DPYD: variants seen among roughly 807,000 people sequenced by gnomAD.
DPYD encodes the protein dihydropyrimidine dehydrogenase [NADP(+)].
A neutral mutation model predicts 116.2 loss-of-function variants in DPYD; 109 were observed. The ratio of observed to expected loss-of-function variants is 0.94; its 90% CI spans 0.80 to 1.10. The LOEUF (loss-of-function observed/expected upper bound fraction) is 1.10, where lower values mean the gene tolerates loss of function less well. DPYD is among the 50% of genes least tolerant of loss of function. DPYD has a pLI of 0.00. For synonymous variants in DPYD, 440 were observed against 432.0 expected, an observed-to-expected ratio of 1.02 and a Z score of -0.23; for missense variants, 1,302 against 1,254.5, an observed-to-expected ratio of 1.04 and a Z score of -0.57.
At chr1:97,173,416 AT>A (rs1656997244) in intron 20 of DPYD, among the ~76,000 whole-genome samples, 1 of 150,342 alleles carries the variant, frequency 6.7e-6, no homozygotes, top group African/African-American at 2.5e-5. Context: ...ACGTACGTAC[AT>A]ATATGTGTGT....
chr1:97,774,840 G>A (rs1222632741), intron 3 of DPYD: 1 of 193,266 alleles, frequency 5.2e-6, no homozygotes, highest in East Asian at 1.4e-4. Flanking sequence ...GTGGGAAACG[G>A]TTTGACGATT....
chr1:97,844,467 C>T (rs916031030), intron 2 of DPYD, among the ~76,000 whole-genome samples: 4 of 152,048 alleles, frequency 2.6e-5, no homozygotes, highest in African/African-American at 9.7e-5. Context: ...TAAAAATGAC[C>T]AATAATTTGA....
chr1:97,396,199 T>C (rs924510227), intron 14 of DPYD, among the ~76,000 whole-genome samples: 3 of 151,712 alleles, frequency 2.0e-5, no homozygotes, highest in Non-Finnish European at 2.9e-5. Context: ...TAGAACATCA[T>C]AGCATAGAAG....
At chr1:97,569,427 ATATATTTATAT>A (rs1193739617) in intron 11 of DPYD, among the ~76,000 whole-genome samples, 4 of 148,016 alleles carry the variant, frequency 2.7e-5, no homozygotes, top group African/African-American at 9.8e-5. Flanking sequence ...ATATATATTC[ATATATTTATAT>A]TATATTTATA....
intron 19 of DPYD, among the ~76,000 whole-genome samples, chr1:97,202,039 C>A (rs189037072): frequency 6.6e-6 from 1 of 151,950 alleles, no homozygotes; most frequent in East Asian, 1.9e-4. Flanking sequence ...AAATAGCTGT[C>A]CAAATGTCAT....
chr1:97,713,638 A>T (rs1358337155), intron 5 of DPYD, among the ~76,000 whole-genome samples: 2 of 152,128 alleles, frequency 1.3e-5, no homozygotes, highest in Admixed American at 1.3e-4. Context: ...AAAAGGAGAG[A>T]CACAAATCAA....
chr1:97,079,144 A>G lies in DPYD; in HGVS notation c.2910T>C (p.Ala970=), dbSNP rs1648982410. The G allele has an allele frequency of 6.2e-7, 1 of 1,613,270 alleles. No individual in the cohort carries two copies. Among genetic ancestry groups the G allele is most frequent in the Admixed American group, 1.7e-5 (1 of 59,968 alleles). The change falls in exon 23 of 23, where the codon GCT becomes GCC. Residue 970 remains alanine, a splice_region_variant and synonymous_variant. Coordinates refer to ENST00000370192, the MANE Select transcript of DPYD (RefSeq NM_000110.4). ...GGTGGGTTTCTGGATCAAACTGTAT[A>G]GCCTGCAAACAGAAATAGAGGGTAT... ...YMTCNDSGYQ[A]IQFDPETHLP...
chr1:97,097,102 A>T (rs1382227101), intron 21 of DPYD, among the ~76,000 whole-genome samples: 1 of 152,186 alleles, frequency 6.6e-6, no homozygotes, highest in Non-Finnish European at 1.5e-5. Context: ...TTCAGTTCAT[A>T]CTTTTAGTGG....
chr1:97,767,163 A>G (rs75804645), intron 3 of DPYD, among the ~76,000 whole-genome samples: 2,710 of 152,232 alleles, frequency 0.018, 86 homozygotes, highest in African/African-American at 0.062. Context: ...AACTTCATGT[A>G]GTATAGGAGA....
At chr1:97,516,659 C>A (rs1331916615) in intron 12 of DPYD, among the ~76,000 whole-genome samples, 2 of 152,030 alleles carry the variant, frequency 1.3e-5, no homozygotes, top group African/African-American at 4.8e-5. Context: ...AATAATGCTT[C>A]TTTGCAGGAT....
intron 5 of DPYD, among the ~76,000 whole-genome samples, chr1:97,705,970 T>C (rs1274563998): frequency 6.6e-6 from 1 of 152,126 alleles, no homozygotes; most frequent in African/African-American, 2.4e-5. Flanking sequence ...CGCCCACTTT[T>C]TGATGGGTTT....
At chr1:97,820,092 G>C (rs1668842053) in intron 3 of DPYD, among the ~76,000 whole-genome samples, 1 of 152,068 alleles carries the variant, frequency 6.6e-6, no homozygotes, top group Admixed American at 6.6e-5. Flanking sequence ...GGTTCATGTA[G>C]AAGTATCAGT....
intron 12 of DPYD, among the ~76,000 whole-genome samples, chr1:97,523,125 A>G (rs1648808636): frequency 6.6e-6 from 1 of 152,180 alleles, no homozygotes; most frequent in Non-Finnish European, 1.5e-5. Flanking sequence ...CACTCAATGA[A>G]AACTAAAGAA....
At chr1:97,365,639 CAT>C (rs1156622266) in intron 16 of DPYD, among the ~76,000 whole-genome samples, 1 of 151,580 alleles carries the variant, frequency 6.6e-6, no homozygotes, top group Non-Finnish European at 1.5e-5. Flanking sequence ...TAAAAAAATC[CAT>C]AGTTAGCTGT....
At chr1:97,685,926 A>T (rs1021177395) in intron 7 of DPYD, among the ~76,000 whole-genome samples, 4 of 152,220 alleles carry the variant, frequency 2.6e-5, no homozygotes, top group African/African-American at 9.7e-5. Context: ...TATACATTCA[A>T]TGCTATTCCC....
At chr1:97,576,132 T>C (rs1653245415) in intron 10 of DPYD, among the ~76,000 whole-genome samples, 1 of 152,204 alleles carries the variant, frequency 6.6e-6, no homozygotes, top group Non-Finnish European at 1.5e-5. Context: ...GATTCCAATA[T>C]GTAAAATATG....
At position 97,083,771 on chromosome 1, in the gene DPYD, G is replaced by A. The variant is rs191994779; in HGVS notation, c.2767-1301C>T. Among the ~76,000 whole-genome samples the A allele has an allele frequency of 5.3e-5, 8 of 152,104 alleles. No homozygotes were observed. The East Asian group carries it at 1.4e-3, about 26-fold the overall frequency. ...TCACTGAACTTATCATCAACAACAC[G>A]AACTGGGTCTTCCTTTGTATTTCTT... On this transcript the variant is annotated intron_variant, in intron 21 of 22. Transcript: ENST00000370192.
intron 20 of DPYD, among the ~76,000 whole-genome samples, chr1:97,177,781 T>C (rs572924318): frequency 6.6e-6 from 1 of 152,264 alleles, no homozygotes; most frequent in South Asian, 2.1e-4. Context: ...TGTCTTAGTC[T>C]GTTCAGGCTG....
chr1:97,444,774 T>C (rs910862574), intron 14 of DPYD, among the ~76,000 whole-genome samples: 4 of 152,130 alleles, frequency 2.6e-5, no homozygotes, highest in Non-Finnish European at 5.9e-5. Context: ...TGGACATAGG[T>C]TCTTAACCGG....
Sources: allele counts gnomAD v4.1 joint callset (sites outside exome capture counted in the v4.1 genomes callset), GRCh38; gene constraint gnomAD v4.1.1; transcripts MANE v1.5; gene names NCBI Gene and HGNC (gene_info 2026-07-23, HGNC 2026-07-21).